The following HDGFL1 variants were observed in gnomAD, a reference collection of about 807,000 sequenced individuals.
The protein encoded by HDGFL1 is hepatoma-derived growth factor-like protein 1.
For missense variants in HDGFL1, 422 were observed against 365.3 expected (o/e 1.16, Z -1.27); for synonymous variants, 190 against 165.1 (o/e 1.15, Z -1.16).
chr6:22,570,188 AGC>A, the HDGFL1 span: 2 of 1,561,990 alleles, frequency 1.3e-6, no homozygotes, highest in Admixed American at 2.0e-5. Flanking sequence ...GGAGAACGGC[AGC>A]GCCCCTAGCG....
chr6:22,570,138 C>G lies in HDGFL1; in HGVS notation c.563C>G (p.Ala188Gly), dbSNP rs1233077011. 6.5e-7 allele frequency: 1 copy of G among 1,529,638 alleles called. No homozygotes were observed. The highest frequency in any genetic ancestry group is 8.8e-7 in the Non-Finnish European group (1 of 1,140,484). 94.8% of individuals were successfully genotyped at this position (1,529,638 alleles called of 1,614,324 possible). Residue 188 changes from alanine to glycine, a missense_variant, in exon 1 of 1, where the codon GCG (alanine) becomes GGG (glycine). Physicochemically the swap from Ala to Gly is moderately conservative, Grantham distance 60. Coordinates refer to ENST00000510882, the MANE Select transcript of HDGFL1 (RefSeq NM_138574.4). The part of the protein sequence containing the change: ...EAERAAAAAA[A>G]TAVDEESPFL... ...GAGAGGGCGGCGGCGGCGGCGGCGGCGACGGCCGTCGACGAGGAGAGTCCG... is the reference window on the plus strand; with the variant it reads ...GAGAGGGCGGCGGCGGCGGCGGCGGGGACGGCCGTCGACGAGGAGAGTCCG...
At position 22,570,137 on chromosome 6, in the gene HDGFL1, G is replaced by A. The variant is rs1413674258; in HGVS notation, c.562G>A (p.Ala188Thr). The A allele has an allele frequency of 5.9e-6, 9 of 1,532,050 alleles. No homozygotes were observed. In the East Asian group the frequency reaches 7.1e-5, roughly 12 times the overall value. The allele number at this position is 1,532,050 out of a possible 1,614,324, so 94.9% of individuals were successfully genotyped here. ...EAERAAAAAA[A>T]TAVDEESPFL... is the part of the protein sequence containing the mutation. Reference sequence around the variant, plus strand: ...GGAGAGGGCGGCGGCGGCGGCGGCGGCGACGGCCGTCGACGAGGAGAGTCC... The same window carrying A: ...GGAGAGGGCGGCGGCGGCGGCGGCGACGACGGCCGTCGACGAGGAGAGTCC... Residue 188 changes from alanine to threonine, a missense_variant, in exon 1 of 1, where the codon GCG (alanine) becomes ACG (threonine). Transcript: ENST00000510882.
chr6:22,569,835 C>G lies in HDGFL1; in HGVS notation c.260C>G (p.Thr87Arg). 2.5e-6 allele frequency: 4 copies of G among 1,609,196 alleles called. No individual in the cohort carries two copies. Among genetic ancestry groups the G allele is most frequent in the Non-Finnish European group, 3.4e-6 (4 of 1,177,840 alleles). Residue 87 changes from threonine (T) to arginine (R), a missense_variant, in exon 1 of 1, where the codon ACG (threonine) becomes AGG (arginine). Coordinates refer to ENST00000510882, the MANE Select transcript of HDGFL1 (RefSeq NM_138574.4). ...AGLWEIENNP[T>R]VQASDCPLAS... ...CTGTGGGAAATCGAGAACAACCCCA[C>G]GGTCCAGGCCTCCGACTGCCCATTA...
chr6:22,570,021 CG>C, the HDGFL1 span: 1 of 1,547,346 alleles, frequency 6.5e-7, no homozygotes, highest in Non-Finnish European at 8.7e-7. Flanking sequence ...AAGAGGAGCG[CG>C]GGGGACCCGC....
At position 22,569,587 on chromosome 6, in the gene HDGFL1, C is replaced by T. The variant is rs1017767707; in HGVS notation, c.12C>T (p.Tyr4=). The change falls in exon 1 of 1, where the codon TAC becomes TAT. Residue 4 remains tyrosine, a synonymous_variant. Coordinates refer to ENST00000510882, the MANE Select transcript of HDGFL1 (RefSeq NM_138574.4). MSA[Y]GMPMYKSGDL... The stretch of plus-strand genomic sequence containing the variant: ...CCGCAGAACCAGCTATGTCGGCCTA[C>T]GGCATGCCCATGTACAAGAGCGGGG... 11 of 1,613,300 alleles carry T rather than the reference C, an allele frequency of 6.8e-6. No homozygotes were observed. The highest frequency in any genetic ancestry group is 1.1e-5 in the South Asian group (1 of 91,012).
chr6:22,570,004 G>A lies in HDGFL1; in HGVS notation c.429G>A (p.Gly143=). Residue 143 remains glycine, a synonymous_variant, in exon 1 of 1, where the codon GGG becomes GGA. Coordinates refer to ENST00000510882, the MANE Select transcript of HDGFL1 (RefSeq NM_138574.4). ...DDDKPTEEEK[G]PLKRSAGDPP... is the part of the protein sequence containing the mutation. Reference sequence around the variant, plus strand: ...ACAAGCCCACTGAGGAGGAGAAGGGGCCGCTGAAGAGGAGCGCGGGGGACC... The same window carrying A: ...ACAAGCCCACTGAGGAGGAGAAGGGACCGCTGAAGAGGAGCGCGGGGGACC... 1.3e-6 allele frequency: 2 copies of A among 1,548,616 alleles called. No homozygotes were observed. Among genetic ancestry groups the A allele is most frequent in the South Asian group, 1.2e-5 (1 of 84,054 alleles).
In HDGFL1 at chr6:22,570,040, CGCCCCCAAACGACCCAAGGAGGCA is replaced by C. The variant is rs1203768223; in HGVS notation, c.472_495del (p.Lys158_Pro165del). The C allele has an allele frequency of 2.6e-6, 4 of 1,546,144 alleles. No individual in the cohort carries two copies. The highest frequency in any genetic ancestry group is 1.4e-5 in the African/African-American group (1 of 73,026). On this transcript the variant is annotated inframe_deletion, in exon 1 of 1. Transcript: ENST00000510882. ...GGAGCGCGGGGGACCCGCCGGAGGA[CGCCCCCAAACGACCCAAGGAGGCA>C]GCCCCCGACCAAGAGGAGGAGGCGG... is the stretch of plus-strand genomic sequence containing the variant.
chr6:22,569,845 C>T lies in HDGFL1; in HGVS notation c.270C>T (p.Ala90=), dbSNP rs776135904. The T allele has an allele frequency of 3.1e-6, 5 of 1,605,676 alleles. No homozygotes were observed. Among genetic ancestry groups the T allele is most frequent in the South Asian group, 1.1e-5 (1 of 89,832 alleles). The change falls in exon 1 of 1, where the codon GCC becomes GCT. Residue 90 remains alanine (A), a synonymous_variant. Coordinates refer to ENST00000510882, the MANE Select transcript of HDGFL1 (RefSeq NM_138574.4). The stretch of plus-strand genomic sequence containing the variant: ...TCGAGAACAACCCCACGGTCCAGGC[C>T]TCCGACTGCCCATTAGCCTCAGAGA... ...WEIENNPTVQ[A]SDCPLASEKG...
chr6:22,569,794 C>T lies in HDGFL1; in HGVS notation c.219C>T (p.Arg73=). The part of the protein sequence containing the change: ...KEKFGKPNKR[R]GFSAGLWEIE... ...AGTTCGGCAAGCCCAACAAGAGGCGCGGCTTCAGCGCGGGGCTGTGGGAAA... is the reference window on the plus strand; with the variant it reads ...AGTTCGGCAAGCCCAACAAGAGGCGTGGCTTCAGCGCGGGGCTGTGGGAAA... Residue 73 remains arginine (R), a synonymous_variant, in exon 1 of 1, where the codon CGC becomes CGT. Coordinates refer to ENST00000510882, the MANE Select transcript of HDGFL1 (RefSeq NM_138574.4). 2 of 1,613,978 alleles carry T rather than the reference C, an allele frequency of 1.2e-6. No individual in the cohort carries two copies. The highest frequency in any genetic ancestry group is 8.5e-7 in the Non-Finnish European group (1 of 1,179,972).
Position 22,569,705 on chromosome 6 carries a change from G to C in HDGFL1, c.130G>C (p.Gly44Arg), listed in dbSNP as rs758350743. The C allele has an allele frequency of 4.3e-6, 7 of 1,614,158 alleles. No homozygotes were observed. The highest frequency in any genetic ancestry group is 5.9e-6 in the Non-Finnish European group (7 of 1,180,038). The change falls in exon 1 of 1, where the codon GGG (glycine) becomes CGG (arginine). Residue 44 changes from glycine (G) to arginine (R), a missense_variant. By Grantham distance (125) the Gly-to-Arg change is moderately radical (BLOSUM62 -2). Transcript: ENST00000510882. ...CAACCGCTACCAGGTGTTTTTCTTC[G>C]GGACCCACGAGACGGCCTTCCTGAG... ...QPNRYQVFFF[G>R]THETAFLSPK...
rs1415456496 is a variant in HDGFL1, at chr6:22,569,590, C to T, written c.15C>T (p.Gly5=). 2 of 1,613,714 alleles carry T rather than the reference C, an allele frequency of 1.2e-6. No individual in the cohort carries two copies. The highest frequency in any genetic ancestry group is 1.7e-6 in the Non-Finnish European group (2 of 1,179,730). ...CAGAACCAGCTATGTCGGCCTACGG[C>T]ATGCCCATGTACAAGAGCGGGGACC... MSAY[G]MPMYKSGDLV... Residue 5 remains glycine, a synonymous_variant, in exon 1 of 1, where the codon GGC becomes GGT. Coordinates refer to ENST00000510882, the MANE Select transcript of HDGFL1 (RefSeq NM_138574.4).
the HDGFL1 span, chr6:22,569,972 GACGACGACAAGCCC>G: frequency 1.9e-6 from 3 of 1,549,704 alleles, no homozygotes; most frequent in South Asian, 3.6e-5. Context: ...GGGGAAGCCG[GACGACGACAAGCCC>G]ACTGAGGAGG....
rs3734214 is a variant in HDGFL1, at chr6:22,571,185, C to G, written c.*854C>G. On this transcript the variant is annotated 3_prime_UTR_variant, in exon 1 of 1. Transcript: ENST00000510882. ...CCCCACAGCCTCAAGGCCACCCTAC[C>G]GTCATATATATCACTCAGGCGTAGA... The G allele has an allele frequency of 0.29, 49,088 of 166,938 alleles. 7,613 individuals carry two copies. Among genetic ancestry groups the G allele is most frequent in the Middle Eastern group, 0.36 (108 of 296 alleles). The allele number at this position is 166,938 out of a possible 1,614,324, so 10.3% of individuals were successfully genotyped here.
chr6:22,570,089 G>A lies in HDGFL1; in HGVS notation c.514G>A (p.Glu172Lys), dbSNP rs778303200. 22 of 1,540,410 alleles carry A rather than the reference G, an allele frequency of 1.4e-5. No individual in the cohort carries two copies. The East Asian group carries it at 5.3e-4, about 37-fold the overall frequency. ...EAAPDQEEEA[E>K]AERAAEAERA... Reference sequence around the variant, plus strand: ...AGCCCCCGACCAAGAGGAGGAGGCGGAGGCGGAGAGGGCGGCGGAAGCGGA... The same window carrying A: ...AGCCCCCGACCAAGAGGAGGAGGCGAAGGCGGAGAGGGCGGCGGAAGCGGA... The change falls in exon 1 of 1, where the codon GAG becomes AAG. Residue 172 changes from glutamate (E) to lysine (K), a missense_variant. Transcript: ENST00000510882.
At position 22,569,994 on chromosome 6, in the gene HDGFL1, A is replaced by G. The variant is rs761600808; in HGVS notation, c.419A>G (p.Glu140Gly). The G allele has an allele frequency of 6.5e-7, 1 of 1,548,516 alleles. No homozygotes were observed. ...GKPDDDKPTE[E>G]EKGPLKRSAG... ...CCGGACGACGACAAGCCCACTGAGG[A>G]GGAGAAGGGGCCGCTGAAGAGGAGC... is the stretch of plus-strand genomic sequence containing the variant. The change falls in exon 1 of 1, where the codon GAG becomes GGG. Residue 140 changes from glutamate to glycine, a missense_variant. Transcript: ENST00000510882.
chr6:22,569,785 C>G lies in HDGFL1; in HGVS notation c.210C>G (p.Asn70Lys). ...KECKEKFGKP[N>K]KRRGFSAGLW... ...GCAAGGAGAAGTTCGGCAAGCCCAA[C>G]AAGAGGCGCGGCTTCAGCGCGGGGC... The change falls in exon 1 of 1, where the codon AAC (asparagine) becomes AAG (lysine). Residue 70 changes from asparagine (N) to lysine (K), a missense_variant. Asn to Lys is a moderately conservative substitution (Grantham distance 94). Coordinates refer to ENST00000510882, the MANE Select transcript of HDGFL1 (RefSeq NM_138574.4). The G allele has an allele frequency of 6.2e-7, 1 of 1,614,086 alleles. No individual in the cohort carries two copies. The highest frequency in any genetic ancestry group is 8.5e-7 in the Non-Finnish European group (1 of 1,180,014).
In HDGFL1 at chr6:22,570,097, G is replaced by A; in HGVS notation, c.522G>A (p.Glu174=). The change falls in exon 1 of 1, where the codon GAG becomes GAA. Residue 174 remains glutamate, a synonymous_variant. Transcript: ENST00000510882. ...ACCAAGAGGAGGAGGCGGAGGCGGA[G>A]AGGGCGGCGGAAGCGGAGAGGGCGG... is the stretch of plus-strand genomic sequence containing the variant. ...APDQEEEAEA[E]RAAEAERAAA... The A allele has an allele frequency of 1.3e-6, 2 of 1,534,770 alleles. No homozygotes were observed. Among genetic ancestry groups the A allele is most frequent in the South Asian group, 2.4e-5 (2 of 82,226 alleles).
rs1298455492 is a variant in HDGFL1, at chr6:22,570,947, C to T, written c.*616C>T. On this transcript the variant is annotated 3_prime_UTR_variant, in exon 1 of 1. Transcript: ENST00000510882. Reference sequence around the variant, plus strand: ...AGGGGCAGCATGTGGGGAATGCCCCCCGCCTTCCACAAATCCTTTTGCTGA... The same window carrying T: ...AGGGGCAGCATGTGGGGAATGCCCCTCGCCTTCCACAAATCCTTTTGCTGA... The T allele has an allele frequency of 6.0e-6, 1 of 167,090 alleles. No homozygotes were observed. Among genetic ancestry groups the T allele is most frequent in the African/African-American group, 2.4e-5 (1 of 41,440 alleles). 10.4% of individuals were successfully genotyped at this position (167,090 alleles called of 1,614,324 possible).
rs750534352 is a variant in HDGFL1 at position 22,569,887 on chromosome 6, G to T, written c.312G>T (p.Gly104=). The T allele has an allele frequency of 3.8e-6, 6 of 1,572,726 alleles. No homozygotes were observed. In the South Asian group the frequency reaches 6.9e-5, roughly 18 times the overall value. ...PLASEKGSGD[G]PWPEPEAAEG... ...CCTCAGAGAAGGGCAGCGGAGACGG[G>T]CCTTGGCCGGAGCCCGAGGCCGCAG... The change falls in exon 1 of 1, where the codon GGG becomes GGT. Residue 104 remains glycine (G), a synonymous_variant. Coordinates refer to ENST00000510882, the MANE Select transcript of HDGFL1 (RefSeq NM_138574.4).
Sources: gnomAD v4.1 joint callset for allele counts on GRCh38, gnomAD v4.1.1 for gene constraint, MANE v1.5 for transcripts, NCBI Gene and HGNC (gene_info 2026-07-23, HGNC 2026-07-21) for gene names.